Variants in SGMS2 observed in about 807,000 individuals in gnomAD.
SGMS2 encodes sphingomyelin synthase 2, also known as phosphatidylcholine:ceramide cholinephosphotransferase 2.
SGMS2 carries 21 observed loss-of-function variants against 43.8 expected under a neutral mutation model. The observed-to-expected ratio is 0.48, with a 90% CI of 0.34 to 0.69. The LOEUF is 0.69. Ranked by LOEUF, SGMS2 falls within the 30% of genes least tolerant of loss-of-function variation. The pLI, the probability that SGMS2 is intolerant of heterozygous loss-of-function variation, is 0.01. For missense variants in SGMS2, 384 were observed against 443.2 expected, an observed-to-expected ratio of 0.87 and a Z score of 1.20; for synonymous variants, 167 against 160.6, an observed-to-expected ratio of 1.04 and a Z score of -0.30.
In SGMS2 at chr4:107,899,697, G is replaced by A. The variant is rs1407684195; in HGVS notation, c.573+5G>A. 6.3e-7 allele frequency: 1 copy of A among 1,595,890 alleles called. No individual in the cohort carries two copies. Among genetic ancestry groups the A allele is most frequent in the Non-Finnish European group, 8.6e-7 (1 of 1,166,854 alleles). ...CATTTCCAGTGTGCTCCAAAGGTCA[G>A]TACCTCCAAACTGCCACTTAGAAGA... On this transcript the variant is annotated splice_donor_5th_base_variant and intron_variant, in intron 4 of 6. Transcript: ENST00000690982.
At chr4:107,878,631 C>T (rs1036437608) in intron 2 of SGMS2, among the ~76,000 whole-genome samples, 6 of 152,074 alleles carry the variant, frequency 3.9e-5, no homozygotes, top group African/African-American at 1.2e-4. Flanking sequence ...TCCATTCATT[C>T]ACCTTACAGC....
At chr4:107,838,261 A>G (rs753211420) in intron 1 of SGMS2, among the ~76,000 whole-genome samples, 2 of 152,184 alleles carry the variant, frequency 1.3e-5, no homozygotes, top group Non-Finnish European at 2.9e-5. Context: ...GAGTAAGATG[A>G]GAACACAATG....
chr4:107,910,472 G>C lies in SGMS2; in HGVS notation c.1017G>C (p.Trp339Cys), dbSNP rs757939915. 37 of 1,613,980 alleles carry C rather than the reference G, an allele frequency of 2.3e-5. No homozygotes were observed. In the Admixed American group the frequency reaches 5.5e-4, roughly 24 times the overall value. The change falls in exon 7 of 7, where the codon TGG (tryptophan) becomes TGC (cysteine). Residue 339 changes from tryptophan to cysteine, a missense_variant. Coordinates refer to ENST00000690982, the MANE Select transcript of SGMS2 (RefSeq NM_001375905.1). ...GCTGCTTCTCCTGGCCGCTGTCTTG[G>C]CCTCCTGGCTGCTTCAAATCATCAT... ...IPCCFSWPLS[W>C]PPGCFKSSCK...
intron 1 of SGMS2, among the ~76,000 whole-genome samples, chr4:107,842,933 G>C (rs1421198575): frequency 6.6e-6 from 1 of 152,128 alleles, no homozygotes; most frequent in African/African-American, 2.4e-5. Flanking sequence ...ATTTATAAAA[G>C]TTCCTTCTAA....
chr4:107,908,031 G>C (rs1731739205), intron 5 of SGMS2: 1 of 152,930 alleles, frequency 6.5e-6, no homozygotes, highest in Admixed American at 6.5e-5. Flanking sequence ...GTGTAAAATT[G>C]CTGAGAATCA....
At chr4:107,839,836 T>C (rs921962512) in intron 1 of SGMS2, among the ~76,000 whole-genome samples, 5 of 152,190 alleles carry the variant, frequency 3.3e-5, no homozygotes, top group Non-Finnish European at 2.9e-5. Flanking sequence ...GGGAGACACA[T>C]TTTTGAATAT....
intron 2 of SGMS2, among the ~76,000 whole-genome samples, chr4:107,859,287 C>G (rs1364851226): frequency 6.6e-6 from 1 of 151,900 alleles, no homozygotes; most frequent in Non-Finnish European, 1.5e-5. Flanking sequence ...TTTATCATTA[C>G]TGTTTATTGT....
intron 2 of SGMS2, among the ~76,000 whole-genome samples, chr4:107,887,974 G>A (rs990220224): frequency 6.6e-6 from 1 of 152,016 alleles, no homozygotes; most frequent in African/African-American, 2.4e-5. Context: ...TCAGACACAG[G>A]GACCCATATG....
chr4:107,844,309 G>A (rs1211688473), intron 1 of SGMS2, among the ~76,000 whole-genome samples: 1 of 151,358 alleles, frequency 6.6e-6, no homozygotes, highest in Non-Finnish European at 1.5e-5. Flanking sequence ...GGGTGACAGA[G>A]TGAGACTCTA....
chr4:107,893,666 G>A (rs1003777867), intron 2 of SGMS2: 2 of 152,170 alleles, frequency 1.3e-5, no homozygotes, highest in East Asian at 1.9e-4. Context: ...AAGGTGAGAT[G>A]TTTATAATTC....
intron 2 of SGMS2, among the ~76,000 whole-genome samples, chr4:107,875,655 CTTAAAAG>C (rs1162697214): frequency 6.6e-6 from 1 of 152,032 alleles, no homozygotes; most frequent in Non-Finnish European, 1.5e-5. Flanking sequence ...TACCCCTGAA[CTTAAAAG>C]TTAATAAAGA....
chr4:107,875,369 G>T (rs954266855), intron 2 of SGMS2, among the ~76,000 whole-genome samples: 2 of 152,180 alleles, frequency 1.3e-5, no homozygotes, highest in African/African-American at 4.8e-5. Context: ...CATGGATGGA[G>T]TTGGAGGCCA....
At chr4:107,838,686 G>T (rs1726334199) in intron 1 of SGMS2, among the ~76,000 whole-genome samples, 1 of 151,976 alleles carries the variant, frequency 6.6e-6, no homozygotes, top group Non-Finnish European at 1.5e-5. Flanking sequence ...CTTCTAGACA[G>T]AGTGCCTTGA....
chr4:107,885,285 G>A (rs1290086602), intron 2 of SGMS2, among the ~76,000 whole-genome samples: 2 of 151,660 alleles, frequency 1.3e-5, no homozygotes, highest in Non-Finnish European at 2.9e-5. Flanking sequence ...TTTAAAATTA[G>A]AAAATGATTG....
chr4:107,832,467 AG>A (rs552425211), intron 1 of SGMS2, among the ~76,000 whole-genome samples: 1 of 152,204 alleles, frequency 6.6e-6, no homozygotes, highest in Non-Finnish European at 1.5e-5. Context: ...CTTGAAACAC[AG>A]GGGGGTTAAG....
At chr4:107,849,602 G>C (rs1727024124) in intron 1 of SGMS2, among the ~76,000 whole-genome samples, 1 of 152,116 alleles carries the variant, frequency 6.6e-6, no homozygotes, top group African/African-American at 2.4e-5. Context: ...ACTGCAAATT[G>C]TGGTTGAGTT....
intron 5 of SGMS2, chr4:107,907,336 G>A (rs1213212816): frequency 6.6e-6 from 1 of 152,206 alleles, no homozygotes; most frequent in African/African-American, 2.4e-5. Flanking sequence ...AATGGGCTGG[G>A]CGCAGTGGCC....
intron 2 of SGMS2, among the ~76,000 whole-genome samples, chr4:107,860,444 C>T (rs1378186638): frequency 6.6e-6 from 1 of 151,702 alleles, no homozygotes; most frequent in African/African-American, 2.4e-5. Flanking sequence ...TCTATATAAA[C>T]TTGTAAAGTA....
chr4:107,885,697 G>T (rs779977527), intron 2 of SGMS2, among the ~76,000 whole-genome samples: 18 of 152,074 alleles, frequency 1.2e-4, no homozygotes, highest in Non-Finnish European at 1.9e-4. Context: ...TGACTAAAAG[G>T]CAGAAAAGAA....
Sources: gnomAD v4.1 joint callset for allele counts (sites outside exome capture counted in the v4.1 genomes callset) on GRCh38, gnomAD v4.1.1 for gene constraint, MANE v1.5 for transcripts, NCBI Gene and HGNC (gene_info 2026-07-23, HGNC 2026-07-21) for gene names.